The following TRIO variants were observed in gnomAD, a reference collection of about 807,000 sequenced individuals.
The protein encoded by TRIO is trio Rho guanine nucleotide exchange factor.
Under a neutral mutation model 351.9 loss-of-function variants are expected in TRIO, and 58 were observed. The ratio of observed to expected loss-of-function variants is 0.16; its 90% CI spans 0.13 to 0.21. The LOEUF (loss-of-function observed/expected upper bound fraction) is 0.21, where lower values mean the gene tolerates loss of function less well. Ranked by LOEUF, TRIO falls within the 10% of genes least tolerant of loss-of-function variation. The pLI, the probability that TRIO is intolerant of heterozygous loss-of-function variation, is 1.00. For missense variants in TRIO, 3,201 were observed against 4,027.8 expected, an observed-to-expected ratio of 0.79 and a Z score of 5.56; for synonymous variants, 1,758 against 1,595.7, an observed-to-expected ratio of 1.10 and a Z score of -2.42.
At chr5:14,481,414 A>C in intron 44 of TRIO, 127 bp from the exon 45 acceptor site, 1 of 1,468,822 alleles carries the variant, frequency 6.8e-7, no homozygotes, top group African/African-American at 1.4e-5. Flanking sequence ...TCTCCAGTGC[A>C]TCTCCATAAG....
Position 14,206,207 on chromosome 5 carries a change from C to T in TRIO, c.157+62325C>T, listed in dbSNP as rs374152964. On this transcript the variant is annotated intron_variant, in intron 1 of 56. Transcript: ENST00000344204. ...TCCTGTGTATCTGGGACCATGGCAT[C>T]GCACCACCATACATGGCTAATTTTT... Among the ~76,000 whole-genome samples the T allele has an allele frequency of 3.3e-5, 5 of 152,246 alleles. No homozygotes were observed. The South Asian group carries it at 6.2e-4, about 19-fold the overall frequency.
chr5:14,325,679 T>G (rs1251526632), intron 9 of TRIO, among the ~76,000 whole-genome samples: 1 of 152,024 alleles, frequency 6.6e-6, no homozygotes, highest in Non-Finnish European at 1.5e-5. Context: ...GAGAGAGAAA[T>G]TTTTAAACAA....
chr5:14,180,147 T>C (rs1789678036), intron 1 of TRIO, among the ~76,000 whole-genome samples: 1 of 143,134 alleles, frequency 7.0e-6, no homozygotes, highest in African/African-American at 2.6e-5. Context: ...GTAATATAGA[T>C]GTGGTAAAGC....
Position 14,497,034 on chromosome 5 carries a change from T to TA in TRIO, c.8019+17_8019+18insA. On this transcript the variant is annotated intron_variant, in intron 50 of 56. Transcript: ENST00000344204. This position sits in a 1 kb window ranked among gnomAD's most constrained non-coding sequence, Gnocchi z 4.4. ...TCTGTGAAGGTGTGTTCGGGGGTCT[T>TA]CAGGAGTCCGTGTCATCCCAGCATG... 1.9e-6 allele frequency: 3 copies of TA among 1,613,278 alleles called. No homozygotes were observed. Among genetic ancestry groups the TA allele is most frequent in the Non-Finnish European group, 2.5e-6 (3 of 1,179,550 alleles).
intron 34 of TRIO, among the ~76,000 whole-genome samples, chr5:14,432,296 T>A (rs1469700584): frequency 2.0e-5 from 3 of 152,206 alleles, no homozygotes; most frequent in African/African-American, 7.2e-5. Context: ...AAAGCAGCAG[T>A]CAGACTTAAG....
intron 33 of TRIO, among the ~76,000 whole-genome samples, chr5:14,414,561 G>A (rs1216783939): frequency 1.3e-5 from 2 of 152,096 alleles, no homozygotes; most frequent in Non-Finnish European, 2.9e-5. Flanking sequence ...ATACAGTGTT[G>A]AGTATGGTAA....
chr5:14,262,434 A>G (rs1380687359), intron 1 of TRIO, among the ~76,000 whole-genome samples: 4 of 152,104 alleles, frequency 2.6e-5, no homozygotes, highest in South Asian at 2.1e-4. Flanking sequence ...TGATGAACCA[A>G]TGAGGTTGTG....
chr5:14,345,215 A>G (rs1239771669), intron 11 of TRIO, among the ~76,000 whole-genome samples: 1 of 152,132 alleles, frequency 6.6e-6, no homozygotes, highest in East Asian at 1.9e-4. Flanking sequence ...GCCAACAGAG[A>G]GCTTAGAAGT....
chr5:14,327,326 G>A (rs1307697013), intron 9 of TRIO, among the ~76,000 whole-genome samples: 3 of 152,040 alleles, frequency 2.0e-5, no homozygotes, highest in Admixed American at 6.6e-5. Context: ...CACCACGCCC[G>A]GCTAATTTTG....
intron 1 of TRIO, among the ~76,000 whole-genome samples, chr5:14,172,325 C>T (rs1789146871): frequency 6.6e-6 from 1 of 152,186 alleles, no homozygotes; most frequent in Admixed American, 6.5e-5. Flanking sequence ...AATGCTTGAA[C>T]AAATCTAGCG....
At chr5:14,156,209 T>C (rs1048324138) in intron 1 of TRIO, among the ~76,000 whole-genome samples, 8 of 152,212 alleles carry the variant, frequency 5.3e-5, no homozygotes, top group Non-Finnish European at 1.0e-4. Flanking sequence ...TCTTACTTTC[T>C]GGCACAATAA....
At chr5:14,380,343 C>A (rs905201740) in intron 20 of TRIO, among the ~76,000 whole-genome samples, 5 of 149,260 alleles carry the variant, frequency 3.3e-5, no homozygotes, top group African/African-American at 1.3e-4. Context: ...TCCTTCGCTC[C>A]TCGCTCCTCG....
At chr5:14,363,503 C>T (rs1309491544) in intron 13 of TRIO, among the ~76,000 whole-genome samples, 1 of 152,028 alleles carries the variant, frequency 6.6e-6, no homozygotes, top group Non-Finnish European at 1.5e-5. Flanking sequence ...TATCTGTGGC[C>T]ATTGGGAACC....
intron 1 of TRIO, among the ~76,000 whole-genome samples, chr5:14,220,005 G>T (rs1266058842): frequency 1.9e-4 from 20 of 105,110 alleles, no homozygotes; most frequent in Middle Eastern, 6.8e-3. Context: ...TTGTTCTATT[G>T]TACAGATACT....
Position 14,492,828 on chromosome 5 carries a change from A to G in TRIO, c.7880+14A>G, listed in dbSNP as rs1279572653. On this transcript the variant is annotated intron_variant, in intron 49 of 56. Transcript: ENST00000344204. ...CGGGACTCTCAAGTGAGTGCTTGACAGTAACGGCGTCCTGGCAGGCAGCAG... is the reference window on the plus strand; with the variant it reads ...CGGGACTCTCAAGTGAGTGCTTGACGGTAACGGCGTCCTGGCAGGCAGCAG... The G allele has an allele frequency of 1.9e-6, 3 of 1,608,600 alleles. No individual in the cohort carries two copies. Among genetic ancestry groups the G allele is most frequent in the East Asian group, 2.2e-5 (1 of 44,754 alleles).
chr5:14,464,335 A>T (rs26104), intron 36 of TRIO, among the ~76,000 whole-genome samples: 21,629 of 152,178 alleles, frequency 0.14, 1,842 homozygotes, highest in Admixed American at 0.23. Flanking sequence ...CCATTTAAAG[A>T]GTGACCTGCA....
chr5:14,459,349 G>A (rs1241970232), intron 34 of TRIO, among the ~76,000 whole-genome samples: 1 of 152,230 alleles, frequency 6.6e-6, no homozygotes, highest in Non-Finnish European at 1.5e-5. Flanking sequence ...TAGCTCACAA[G>A]ATTACTTGAC....
At chr5:14,157,961 A>G (rs1788216685) in intron 1 of TRIO, among the ~76,000 whole-genome samples, 1 of 152,104 alleles carries the variant, frequency 6.6e-6, no homozygotes, top group Non-Finnish European at 1.5e-5. Flanking sequence ...TCTCAGTTTC[A>G]TATATTATGT....
chr5:14,389,050 A>T (rs1746815979), intron 24 of TRIO, among the ~76,000 whole-genome samples: 1 of 152,216 alleles, frequency 6.6e-6, no homozygotes, highest in Admixed American at 6.5e-5. Context: ...GAGTAGGTTA[A>T]TTCCAAAATT....
Sources: gnomAD v4.1 joint callset for allele counts (sites outside exome capture counted in the v4.1 genomes callset) on GRCh38, gnomAD v4.1.1 for gene constraint, Gnocchi (gnomAD v3.1) non-coding constraint, MANE v1.5 for transcripts, NCBI Gene and HGNC (gene_info 2026-07-23, HGNC 2026-07-21) for gene names.